IVD: variants seen among roughly 807,000 people sequenced by gnomAD.
IVD encodes the protein isovaleryl-CoA dehydrogenase, mitochondrial.
Under a neutral mutation model 51.3 loss-of-function variants are expected in IVD, and 31 were observed. The ratio of observed to expected loss-of-function variants is 0.60; its 90% CI spans 0.45 to 0.81. The LOEUF (loss-of-function observed/expected upper bound fraction) is 0.81, where lower values mean the gene tolerates loss of function less well. Ranked by LOEUF, IVD falls within the 40% of genes least tolerant of loss-of-function variation. The probability of loss-of-function intolerance (pLI) is 0.00; values close to 1 mark genes in which losing one functional copy is unlikely to be tolerated. For missense variants in IVD, 475 were observed against 552.0 expected, an observed-to-expected ratio of 0.86 and a Z score of 1.40; for synonymous variants, 205 against 219.4, an observed-to-expected ratio of 0.93 and a Z score of 0.58.
Position 40,418,245 on chromosome 15 carries a change from C to G in IVD, c.1254C>G (p.Phe418Leu). The G allele has an allele frequency of 6.2e-7, 1 of 1,614,156 alleles. No individual in the cohort carries two copies. The highest frequency in any genetic ancestry group is 8.5e-7 in the Non-Finnish European group (1 of 1,180,008). Residue 418 changes from phenylalanine (F) to leucine (L), a missense_variant, in exon 12 of 12, where the codon TTC (phenylalanine) becomes TTG (leucine). Physicochemically the swap from Phe to Leu is conservative, Grantham distance 22. Coordinates refer to ENST00000487418, the MANE Select transcript of IVD (RefSeq NM_002225.5). ...EVRRLVIGRA[F>L]NADFH ...GGCGGCTGGTCATCGGCAGAGCCTTCAATGCAGACTTTCACTAGTCCTGAG... is the reference window on the plus strand; with the variant it reads ...GGCGGCTGGTCATCGGCAGAGCCTTGAATGCAGACTTTCACTAGTCCTGAG...
At chr15:40,406,169 C>T (rs1330781843) in intron 1 of IVD, 198 bp downstream of exon 1, 6 of 1,538,700 alleles carry the variant, frequency 3.9e-6, no homozygotes, top group Non-Finnish European at 5.2e-6. Context: ...GGCCTCACGT[C>T]TGTGGAGTGA....
intron 6 of IVD, 81 bp downstream of exon 6, chr15:40,411,772 A>T: frequency 2.7e-6 from 4 of 1,486,368 alleles, no homozygotes; most frequent in Non-Finnish European, 2.8e-6. Context: ...CTGATCTCAA[A>T]TGGAATCAGT....
chr15:40,429,727 T>C (rs185765089), intron 7 of IVD, among the ~76,000 whole-genome samples: 182 of 151,662 alleles, frequency 1.2e-3, no homozygotes, highest in Admixed American at 2.0e-3. Flanking sequence ...AGGGCAGGAG[T>C]GGGCAGGGGG....
chr15:40,415,479 C>G lies in IVD; in HGVS notation c.957C>G (p.Phe319Leu), dbSNP rs1197885966. Reference sequence around the variant, plus strand: ...CCTTTGGCCAGAAGATCGGCCACTTCCAGGTGAGCCGAGTGCTTTTGCTGA... The same window carrying G: ...CCTTTGGCCAGAAGATCGGCCACTTGCAGGTGAGCCGAGTGCTTTTGCTGA... ...REAFGQKIGH[F>L]QLMQGKMADM... Residue 319 changes from phenylalanine (F) to leucine (L), a missense_variant, in exon 9 of 12, where the codon TTC (phenylalanine) becomes TTG (leucine). Transcript: ENST00000487418. 1 of 1,613,602 alleles carries G rather than the reference C, an allele frequency of 6.2e-7. No individual in the cohort carries two copies. The highest frequency in any genetic ancestry group is 8.5e-7 in the Non-Finnish European group (1 of 1,179,582).
At chr15:40,422,110 G>A (rs918236183), downstream of IVD, among the ~76,000 whole-genome samples, 1 of 152,242 alleles carries the variant, frequency 6.6e-6, no homozygotes, top group Non-Finnish European at 1.5e-5. Context: ...ACCCCTGCCG[G>A]CTGCCCGCGG....
At chr15:40,430,426 T>A (rs978439240) in intron 7 of IVD, among the ~76,000 whole-genome samples, 1 of 152,190 alleles carries the variant, frequency 6.6e-6, no homozygotes. Context: ...GCCTCCTGGC[T>A]GGGGCGGCAA....
intron 11 of IVD, 102 bp from the exon 12 acceptor site, chr15:40,418,026 TCA>T: frequency 2.6e-6 from 4 of 1,522,248 alleles, no homozygotes; most frequent in Non-Finnish European, 3.6e-6. Flanking sequence ...TTTTCTTTAA[TCA>T]CCCTCTCCTC....
Position 40,411,658 on chromosome 15 carries a change from T to C in IVD, c.654T>C (p.Ala218=). The change falls in exon 6 of 12, where the codon GCT becomes GCC. Residue 218 remains alanine, a synonymous_variant. Transcript: ENST00000487418. Reference sequence around the variant, plus strand: ...AGACAGATCTGGCTGCTGTGCCAGCTTCTCGGGGCATCACAGCCTTCATTG... The same window carrying C: ...AGACAGATCTGGCTGCTGTGCCAGCCTCTCGGGGCATCACAGCCTTCATTG... ...YAKTDLAAVP[A]SRGITAFIVE... The C allele has an allele frequency of 6.2e-7, 1 of 1,614,224 alleles. No homozygotes were observed. Among genetic ancestry groups the C allele is most frequent in the Non-Finnish European group, 8.5e-7 (1 of 1,180,026 alleles).
downstream of IVD, among the ~76,000 whole-genome samples, chr15:40,422,998 T>A (rs564361317): frequency 6.6e-6 from 1 of 152,070 alleles, no homozygotes; most frequent in Non-Finnish European, 1.5e-5. Flanking sequence ...TACTGCAGCC[T>A]CGACCTCCCT....
downstream of IVD, among the ~76,000 whole-genome samples, chr15:40,425,044 C>A (rs1306841819): frequency 2.6e-5 from 4 of 152,186 alleles, no homozygotes; most frequent in African/African-American, 9.7e-5. Flanking sequence ...ACTCCTCTGA[C>A]CCACTCAGAG....
intron 10 of IVD, 21 bp from the exon 11 acceptor site, chr15:40,416,269 G>T (rs1595790343): frequency 1.2e-6 from 2 of 1,614,036 alleles, no homozygotes; most frequent in Non-Finnish European, 1.7e-6. Context: ...GGGCCCTGCT[G>T]ACCCCAGCTT....
Position 40,411,805 on chromosome 15 carries a change from C to T in IVD, c.687+114C>T, listed in dbSNP as rs776054199. ...AGTGTTGTGTGCTCTGCAAGGCCCCCAGAGGTGGGGGTGAGGCAGAGAGCA... is the reference window on the plus strand; with the variant it reads ...AGTGTTGTGTGCTCTGCAAGGCCCCTAGAGGTGGGGGTGAGGCAGAGAGCA... On this transcript the variant is annotated intron_variant, in intron 6 of 11. Coordinates refer to ENST00000487418, the MANE Select transcript of IVD (RefSeq NM_002225.5). 6 of 1,311,808 alleles carry T rather than the reference C, an allele frequency of 4.6e-6. No homozygotes were observed. In the East Asian group the frequency reaches 1.2e-4, roughly 26 times the overall value. The allele number at this position is 1,311,808 out of a possible 1,614,324, so 81.3% of individuals were successfully genotyped here.
chr15:40,423,492 C>T (rs1211561672), downstream of IVD, among the ~76,000 whole-genome samples: 4 of 152,156 alleles, frequency 2.6e-5, no homozygotes, highest in African/African-American at 4.8e-5. Context: ...CGGAATCTTG[C>T]GCTCTCTCGC....
At chr15:40,427,024 C>G (rs149247557), downstream of IVD, among the ~76,000 whole-genome samples, 36 of 152,150 alleles carry the variant, frequency 2.4e-4, no homozygotes, top group African/African-American at 8.2e-4. Flanking sequence ...CTGGAAGACA[C>G]GAGAGAGTAA....
Position 40,418,275 on chromosome 15 carries a change from T to G in IVD, c.*12T>G. On this transcript the variant is annotated 3_prime_UTR_variant, in exon 12 of 12. Transcript: ENST00000487418. ...CAGACTTTCACTAGTCCTGAGACCCTTCGCCCCCTTTTCCTGCACCTAGTG... is the reference window on the plus strand; with the variant it reads ...CAGACTTTCACTAGTCCTGAGACCCGTCGCCCCCTTTTCCTGCACCTAGTG... The G allele has an allele frequency of 6.2e-7, 1 of 1,613,732 alleles. No homozygotes were observed. The highest frequency in any genetic ancestry group is 8.5e-7 in the Non-Finnish European group (1 of 1,179,804).
chr15:40,411,744 C>T, intron 6 of IVD, 53 bp downstream of exon 6: 1 of 1,585,808 alleles, frequency 6.3e-7, no homozygotes, highest in Non-Finnish European at 8.7e-7. Flanking sequence ...GACAGTGGTA[C>T]CAGAGATAGC....
chr15:40,424,009 G>A (rs546331749), downstream of IVD: 40 of 384,078 alleles, frequency 1.0e-4, no homozygotes, highest in Middle Eastern at 4.9e-4. Flanking sequence ...TACTCTTGCA[G>A]GGGGCCGTTC....
At chr15:40,412,720 G>A (rs150419887) in intron 6 of IVD, 142 of 454,254 alleles carry the variant, frequency 3.1e-4, no homozygotes, top group African/African-American at 2.3e-3. Context: ...CAGGGGGGTC[G>A]GGAGGGCTCA....
chr15:40,435,540 C>G, exon 9 of IVD: 5 of 1,200,634 alleles, frequency 4.2e-6, no homozygotes, highest in Non-Finnish European at 5.3e-6. Flanking sequence ...GAACTCACAC[C>G]CCGCGTGCTG....
Sources: allele counts gnomAD v4.1 joint callset (sites outside exome capture counted in the v4.1 genomes callset), GRCh38; gene constraint gnomAD v4.1.1; transcripts MANE v1.5; gene names NCBI Gene and HGNC (gene_info 2026-07-23, HGNC 2026-07-21).